Variants in POU6F2 observed in about 807,000 individuals in gnomAD.
The protein encoded by POU6F2 is POU class 6 homeobox 2, also known as POU domain, class 6, transcription factor 2.
In POU6F2, 31 loss-of-function variants were observed where a neutral mutation model predicts 71.3. That is an observed-to-expected ratio of 0.43 (90% CI 0.33 to 0.59). The LOEUF (loss-of-function observed/expected upper bound fraction) is 0.59, where lower values mean the gene tolerates loss of function less well. POU6F2 is among the 20% of genes least tolerant of loss of function. The pLI is 0.04. For missense variants in POU6F2, 783 were observed against 856.8 expected (o/e 0.91, Z 1.07); for synonymous variants, 347 against 355.7 (o/e 0.98, Z 0.27).
intron 4 of POU6F2, among the ~76,000 whole-genome samples, chr7:39,259,275 C>G (rs1303046406): frequency 6.6e-6 from 1 of 152,170 alleles, no homozygotes; most frequent in Non-Finnish European, 1.5e-5. Flanking sequence ...CAGTGGGCAG[C>G]TTTTTAAGCC....
At chr7:39,254,728 C>G (rs1014637014) in intron 4 of POU6F2, among the ~76,000 whole-genome samples, 1 of 152,174 alleles carries the variant, frequency 6.6e-6, no homozygotes, top group Admixed American at 6.5e-5. Context: ...GCTTTGGTGT[C>G]TGTTGCAAAA....
chr7:39,265,666 G>A (rs1562769483), intron 4 of POU6F2, among the ~76,000 whole-genome samples: 1 of 152,162 alleles, frequency 6.6e-6, no homozygotes, highest in Non-Finnish European at 1.5e-5. Flanking sequence ...ATGCTGGAAG[G>A]TAGCATCTCA....
chr7:39,139,273 A>T (rs1792448530), intron 2 of POU6F2, among the ~76,000 whole-genome samples: 1 of 152,198 alleles, frequency 6.6e-6, no homozygotes, highest in Non-Finnish European at 1.5e-5. Flanking sequence ...TTGCTCGTGT[A>T]TAATTTGAGA....
chr7:39,132,997 A>G (rs1210060601), intron 2 of POU6F2, among the ~76,000 whole-genome samples: 1 of 152,224 alleles, frequency 6.6e-6, no homozygotes, highest in Admixed American at 6.5e-5. Flanking sequence ...CTCTTTGACA[A>G]AAGTCCTGTA....
chr7:39,115,205 C>T (rs951116483), intron 2 of POU6F2, among the ~76,000 whole-genome samples: 2 of 152,194 alleles, frequency 1.3e-5, no homozygotes, highest in African/African-American at 4.8e-5. Flanking sequence ...GGTCTTCTGT[C>T]CTCATCTCTC....
At chr7:39,222,706 A>T (rs1192398000) in intron 4 of POU6F2, among the ~76,000 whole-genome samples, 1 of 152,164 alleles carries the variant, frequency 6.6e-6, no homozygotes, top group Non-Finnish European at 1.5e-5. Flanking sequence ...TAATGTTTTC[A>T]AGGTTCATTC....
chr7:39,402,074 A>C (rs1787317375), intron 5 of POU6F2, among the ~76,000 whole-genome samples: 1 of 152,238 alleles, frequency 6.6e-6, no homozygotes, highest in Admixed American at 6.5e-5. Context: ...TATGACTACT[A>C]ATGTTCAGAT....
chr7:39,323,775 A>C (rs1455024214), intron 4 of POU6F2, among the ~76,000 whole-genome samples: 1 of 152,170 alleles, frequency 6.6e-6, no homozygotes, highest in Non-Finnish European at 1.5e-5. Context: ...TAAATGAGAG[A>C]GAGAGAGTGA....
intron 2 of POU6F2, among the ~76,000 whole-genome samples, chr7:39,098,052 G>A (rs1421305465): frequency 6.6e-6 from 1 of 152,108 alleles, no homozygotes; most frequent in African/African-American, 2.4e-5. Context: ...TGCATATGCC[G>A]TGGAACACAA....
rs192905470 is a variant in POU6F2, at chr7:39,138,795, T to C, written c.277+52764T>C. Among the ~76,000 whole-genome samples the C allele has an allele frequency of 1.9e-3, 283 of 152,328 alleles. 2 individuals carry two copies. The highest frequency in any genetic ancestry group is 4.3e-4 in the Non-Finnish European group (29 of 68,036). ...CCCCCCAGGTCCATGGAAGAAATGGTCTTCCACCAAACTGGTCCCTGGGAT... is the reference window on the plus strand; with the variant it reads ...CCCCCCAGGTCCATGGAAGAAATGGCCTTCCACCAAACTGGTCCCTGGGAT... On this transcript the variant is annotated intron_variant, in intron 2 of 9. Coordinates refer to ENST00000518318, the MANE Select transcript of POU6F2 (RefSeq NM_001370959.1).
At chr7:39,433,052 C>G in intron 6 of POU6F2, 25 bp from the exon 7 acceptor site, 1 of 1,610,986 alleles carries the variant, frequency 6.2e-7, no homozygotes, top group South Asian at 1.1e-5. Context: ...CGAGCCAGCT[C>G]CTCACCTTTG....
intron 1 of POU6F2, among the ~76,000 whole-genome samples, chr7:38,993,860 G>C (rs562699330): frequency 1.3e-5 from 2 of 152,160 alleles, no homozygotes; most frequent in East Asian, 3.9e-4. Context: ...GTTCTCAGGG[G>C]CTTGAGTTTC....
intron 1 of POU6F2, among the ~76,000 whole-genome samples, chr7:39,061,270 G>C (rs1168415455): frequency 6.6e-6 from 1 of 152,120 alleles, no homozygotes; most frequent in East Asian, 1.9e-4. Context: ...ATTTGGTTGA[G>C]TTTTATGAAG....
chr7:39,161,335 G>C (rs963422494), intron 2 of POU6F2, among the ~76,000 whole-genome samples: 1 of 152,212 alleles, frequency 6.6e-6, no homozygotes, highest in Non-Finnish European at 1.5e-5. Context: ...AAACTGATAC[G>C]CTACTTGAGT....
chr7:39,277,349 C>T (rs1016982713), intron 4 of POU6F2, among the ~76,000 whole-genome samples: 4 of 152,060 alleles, frequency 2.6e-5, no homozygotes, highest in Admixed American at 6.6e-5. Context: ...GATCCCAACA[C>T]GAAGATAGTG....
At chr7:39,193,063 G>T (rs1231806741) in intron 2 of POU6F2, among the ~76,000 whole-genome samples, 1 of 152,162 alleles carries the variant, frequency 6.6e-6, no homozygotes, top group Non-Finnish European at 1.5e-5. Flanking sequence ...CGGGTCTGAG[G>T]CCTGGCTTGA....
chr7:39,194,895 A>G (rs1038066151), intron 2 of POU6F2, among the ~76,000 whole-genome samples: 4 of 152,144 alleles, frequency 2.6e-5, no homozygotes, highest in African/African-American at 9.7e-5. Flanking sequence ...GAAGGTCTGC[A>G]GCTTCACTTC....
In POU6F2 at chr7:39,073,693, A is replaced by G. The variant is rs552071288; in HGVS notation, c.106-12167A>G. Among the ~76,000 whole-genome samples, 85 of 152,356 alleles carry G rather than the reference A, an allele frequency of 5.6e-4. 1 individual carries two copies. The highest frequency in any genetic ancestry group is 2.0e-3 in the African/African-American group (82 of 41,586). On this transcript the variant is annotated intron_variant, in intron 1 of 9. Coordinates refer to ENST00000518318, the MANE Select transcript of POU6F2 (RefSeq NM_001370959.1). Reference sequence around the variant, plus strand: ...GAGAACGAGAGGAAAACTCCATAGTATCTGGTGCTGGCCAAGAGAAAGCTG... The same window carrying G: ...GAGAACGAGAGGAAAACTCCATAGTGTCTGGTGCTGGCCAAGAGAAAGCTG...
At position 39,349,689 on chromosome 7, in the gene POU6F2, T is replaced by A. The variant is rs564280582; in HGVS notation, c.972+9674T>A. On this transcript the variant is annotated intron_variant, in intron 5 of 9. Transcript: ENST00000518318. Reference sequence around the variant, plus strand: ...AAAACTCCATGTCTGTGGGGCATTGTCTTAGTTACAAGGCTCCTATCCTGC... The same window carrying A: ...AAAACTCCATGTCTGTGGGGCATTGACTTAGTTACAAGGCTCCTATCCTGC... Among the ~76,000 whole-genome samples, 5 of 152,322 alleles carry A rather than the reference T, an allele frequency of 3.3e-5. No homozygotes were observed. In the South Asian group the frequency reaches 1.0e-3, roughly 32 times the overall value.
Sources: allele counts gnomAD v4.1 joint callset (sites outside exome capture counted in the v4.1 genomes callset), GRCh38; gene constraint gnomAD v4.1.1; transcripts MANE v1.5; gene names NCBI Gene and HGNC (gene_info 2026-07-23, HGNC 2026-07-21).